SIPA1L1: variants seen among roughly 807,000 people sequenced by gnomAD.
The protein encoded by SIPA1L1 is signal induced proliferation associated 1 like 1, also known as signal-induced proliferation-associated 1-like protein 1.
In SIPA1L1, 26 loss-of-function variants were observed where a neutral mutation model predicts 162.7. That is an observed-to-expected ratio of 0.16 (90% CI 0.12 to 0.22). The LOEUF (loss-of-function observed/expected upper bound fraction) is 0.22. Among genes scored for constraint, SIPA1L1 ranks in the 10% least tolerant of loss-of-function variants. The pLI, the probability that SIPA1L1 is intolerant of heterozygous loss-of-function variation, is 1.00. For synonymous variants in SIPA1L1, 829 were observed against 837.4 expected (o/e 0.99, Z 0.17); for missense variants, 1,874 against 2,241.0 (o/e 0.84, Z 3.31).
chr14:71,507,639 C>T (rs1257038340), intron 2 of SIPA1L1, among the ~76,000 whole-genome samples: 1 of 152,190 alleles, frequency 6.6e-6, no homozygotes, highest in African/African-American at 2.4e-5. Context: ...CTTGTACTTC[C>T]TTTCTCTTAC....
intron 2 of SIPA1L1, among the ~76,000 whole-genome samples, chr14:71,502,143 A>T (rs1340990681): frequency 1.4e-5 from 2 of 140,386 alleles, no homozygotes; most frequent in Non-Finnish European, 3.0e-5. Context: ...ATTCTTCAGT[A>T]TTAGCCATGG....
At chr14:71,569,847 C>T (rs750913184) in intron 4 of SIPA1L1, among the ~76,000 whole-genome samples, 1 of 152,202 alleles carries the variant, frequency 6.6e-6, no homozygotes, top group Admixed American at 6.5e-5. Context: ...GCTTCTGCCA[C>T]CACCTTCCAT....
rs534569042 is a variant in SIPA1L1, at chr14:71,698,870, T to C, written c.3375-111T>C. The C allele has an allele frequency of 7.8e-5, 78 of 1,000,944 alleles. No homozygotes were observed. In the African/African-American group the frequency reaches 1.1e-3, roughly 14 times the overall value. The allele number at this position is 1,000,944 out of a possible 1,614,324, so 62.0% of individuals were successfully genotyped here. ...CTTCCAGCTGGCTTCATTTTCACTA[T>C]CTCCATGAAGTCACTGTTTTTGTCA... On this transcript the variant is annotated intron_variant, in intron 13 of 23. Coordinates refer to ENST00000381232, the MANE Select transcript of SIPA1L1 (RefSeq NM_001386936.1).
intron 4 of SIPA1L1, among the ~76,000 whole-genome samples, chr14:71,579,996 G>A (rs1342408199): frequency 6.6e-6 from 1 of 152,206 alleles, no homozygotes; most frequent in Non-Finnish European, 1.5e-5. Context: ...GACAGTGACT[G>A]TCTCAAATCG....
chr14:71,416,571 A>G (rs763180285), intron 2 of SIPA1L1, among the ~76,000 whole-genome samples: 4 of 152,100 alleles, frequency 2.6e-5, no homozygotes, highest in Non-Finnish European at 5.9e-5. Flanking sequence ...TCCTCAGGCA[A>G]CACAGGAGGA....
intron 5 of SIPA1L1, among the ~76,000 whole-genome samples, chr14:71,618,043 G>A (rs563230077): frequency 5.9e-5 from 9 of 152,102 alleles, no homozygotes; most frequent in Non-Finnish European, 8.8e-5. Context: ...TAAATTCAGC[G>A]CCAGTCCTTT....
chr14:71,542,355 T>TTTC (rs71105785), intron 4 of SIPA1L1, among the ~76,000 whole-genome samples: 2 of 125,662 alleles, frequency 1.6e-5, no homozygotes, highest in African/African-American at 6.0e-5. Flanking sequence ...TTCTTTCCTC[T>TTTC]TTCTTCTTCT....
chr14:71,340,348 C>T (rs1312936344), intron 2 of SIPA1L1, among the ~76,000 whole-genome samples: 3 of 151,922 alleles, frequency 2.0e-5, no homozygotes, highest in Admixed American at 6.6e-5. Context: ...TGGCCTGTCA[C>T]GGTGTCGGCC....
intron 4 of SIPA1L1, among the ~76,000 whole-genome samples, chr14:71,543,956 CATGT>C (rs577277779): frequency 5.4e-5 from 8 of 147,404 alleles, no homozygotes; most frequent in South Asian, 2.1e-4. Flanking sequence ...CATATACGCA[CATGT>C]ATGTATATAT....
intron 14 of SIPA1L1, among the ~76,000 whole-genome samples, chr14:71,700,763 G>A (rs1057281727): frequency 1.3e-5 from 2 of 152,050 alleles, no homozygotes; most frequent in African/African-American, 4.8e-5. Flanking sequence ...GGGAGGCCGA[G>A]GCGGGCGGAT....
In SIPA1L1 at chr14:71,684,353, C is replaced by T. The variant is rs986956469; in HGVS notation, c.3105-1009C>T. Among the ~76,000 whole-genome samples the T allele has an allele frequency of 2.6e-5, 4 of 152,320 alleles. No homozygotes were observed. In the South Asian group the frequency reaches 8.3e-4, roughly 32 times the overall value. ...TCCATTGTCCTTATTCTCCTGCCAG[C>T]CAACTATGTAAACCCTTCCACTTTG... On this transcript the variant is annotated intron_variant, in intron 12 of 23. Coordinates refer to ENST00000381232, the MANE Select transcript of SIPA1L1 (RefSeq NM_001386936.1).
intron 2 of SIPA1L1, among the ~76,000 whole-genome samples, chr14:71,456,600 T>A (rs1191777532): frequency 6.6e-6 from 1 of 152,202 alleles, no homozygotes; most frequent in Non-Finnish European, 1.5e-5. Flanking sequence ...ATTACTTTGT[T>A]TGCATCCTTA....
intron 2 of SIPA1L1, chr14:71,330,362 G>C: frequency 1.1e-6 from 1 of 899,816 alleles, no homozygotes; most frequent in South Asian, 1.3e-5. Flanking sequence ...TCTTTTTGGC[G>C]ATGAAAATTG....
At chr14:71,516,451 A>G (rs1157631884) in intron 3 of SIPA1L1, among the ~76,000 whole-genome samples, 2 of 152,052 alleles carry the variant, frequency 1.3e-5, no homozygotes, top group Non-Finnish European at 2.9e-5. Context: ...CAGTGACACC[A>G]TCGTAGCTCA....
chr14:71,536,935 T>C (rs2053955098), intron 4 of SIPA1L1, among the ~76,000 whole-genome samples: 1 of 152,230 alleles, frequency 6.6e-6, no homozygotes, highest in Non-Finnish European at 1.5e-5. Flanking sequence ...AGCAGTTGTT[T>C]CTTTCTTGCC....
intron 2 of SIPA1L1, among the ~76,000 whole-genome samples, chr14:71,353,815 C>G (rs1348223599): frequency 6.6e-6 from 1 of 151,866 alleles, no homozygotes; most frequent in East Asian, 1.9e-4. Flanking sequence ...TATTTTTTGC[C>G]TGAGCAACTG....
intron 7 of SIPA1L1, among the ~76,000 whole-genome samples, chr14:71,646,913 T>C (rs1490976220): frequency 1.3e-5 from 2 of 152,214 alleles, no homozygotes; most frequent in Non-Finnish European, 2.9e-5. Flanking sequence ...TAAATACTGT[T>C]TTATATAACC....
chr14:71,607,903 A>C (rs917449728), intron 5 of SIPA1L1, among the ~76,000 whole-genome samples: 4 of 152,204 alleles, frequency 2.6e-5, no homozygotes, highest in African/African-American at 9.6e-5. Flanking sequence ...AGGGCCTTTT[A>C]GATCTGTTCT....
At chr14:71,686,065 A>G (rs1259889339) in intron 13 of SIPA1L1, among the ~76,000 whole-genome samples, 2 of 152,238 alleles carry the variant, frequency 1.3e-5, no homozygotes, top group East Asian at 3.8e-4. Context: ...CACTTTATTA[A>G]TAAAGGATTA....
Sources: allele counts gnomAD v4.1 joint callset (sites outside exome capture counted in the v4.1 genomes callset), GRCh38; gene constraint gnomAD v4.1.1; transcripts MANE v1.5; gene names NCBI Gene and HGNC (gene_info 2026-07-23, HGNC 2026-07-21).